NLRP12: variants seen among roughly 807,000 people sequenced by gnomAD.
NLRP12 encodes NACHT, LRR and PYD domains-containing protein 12.
In NLRP12, 108 loss-of-function variants were observed where a neutral mutation model predicts 91.2. The observed-to-expected ratio is 1.18, with a 90% CI of 1.01 to 1.39. NLRP12 has a LOEUF of 1.39. NLRP12 is among the 40% of genes most tolerant of loss of function. NLRP12 has a pLI of 0.00. For synonymous variants in NLRP12, 613 were observed against 566.7 expected (o/e 1.08, Z -1.16); for missense variants, 1,530 against 1,352.7 (o/e 1.13, Z -2.06).
At position 53,793,872 on chromosome 19, in the gene NLRP12, A is replaced by T; in HGVS notation, c.*177T>A. 1.5e-6 allele frequency: 1 copy of T among 688,908 alleles called. No individual in the cohort carries two copies. Among genetic ancestry groups the T allele is most frequent in the Non-Finnish European group, 2.7e-6 (1 of 376,504 alleles). 42.7% of individuals were successfully genotyped at this position (688,908 alleles called of 1,614,324 possible). A position where few individuals can be genotyped will look rare whatever the true frequency, so the allele number is the denominator to read the frequency against. On this transcript the variant is annotated 3_prime_UTR_variant, in exon 10 of 10. Coordinates refer to ENST00000324134, the MANE Select transcript of NLRP12 (RefSeq NM_144687.4). ...AGTGCTAGGATTACATACATGAGCCACCACGCCTGGCCAGCTCTGTCAAAC... is the reference window on the plus strand; with the variant it reads ...AGTGCTAGGATTACATACATGAGCCTCCACGCCTGGCCAGCTCTGTCAAAC...
intron 7 of NLRP12, among the ~76,000 whole-genome samples, chr19:53,800,879 C>T (rs1000799004): frequency 2.6e-5 from 4 of 151,934 alleles, no homozygotes; most frequent in African/African-American, 4.8e-5. Flanking sequence ...CCACCATGCC[C>T]GGCCAGAAAA....
Position 53,809,581 on chromosome 19 carries a change from A to G in NLRP12, c.2072+6T>C. On this transcript the variant is annotated splice_donor_region_variant and intron_variant, in intron 3 of 9. Coordinates refer to ENST00000324134, the MANE Select transcript of NLRP12 (RefSeq NM_144687.4). ...CAGCCCCAGGGGATACCCCAGGGAT[A>G]CTTACAGCTGCACCAACAGCGTGTG... 1 of 1,603,674 alleles carries G rather than the reference A, an allele frequency of 6.2e-7. No homozygotes were observed. The highest frequency in any genetic ancestry group is 8.5e-7 in the Non-Finnish European group (1 of 1,175,130).
chr19:53,795,107 C>CTGTGTGTGT (rs1555792119), intron 9 of NLRP12, among the ~76,000 whole-genome samples: 1,141 of 85,496 alleles, frequency 0.013, 14 homozygotes, highest in African/African-American at 0.04. Context: ...CTGGTGTGTG[C>CTGTGTGTGT]GTGTGTGTGT....
At chr19:53,823,370 AT>A (rs2092289144) in intron 1 of NLRP12, among the ~76,000 whole-genome samples, 6 of 135,596 alleles carry the variant, frequency 4.4e-5, no homozygotes, top group African/African-American at 1.6e-4. Flanking sequence ...TATATATTTA[AT>A]AATATAATTA....
chr19:53,796,889 GAGGC>G (rs1325147503), intron 8 of NLRP12, among the ~76,000 whole-genome samples: 1 of 32,758 alleles, frequency 3.1e-5, no homozygotes, highest in Non-Finnish European at 6.5e-5. Context: ...AGCTACTCGG[GAGGC>G]TGAGGCAGGA....
At chr19:53,797,047 T>A (rs2122517956) in intron 8 of NLRP12, among the ~76,000 whole-genome samples, 1 of 151,992 alleles carries the variant, frequency 6.6e-6, no homozygotes, top group East Asian at 1.9e-4. Context: ...GTCCTTCAGA[T>A]TAGGGCTACA....
chr19:53,809,303 C>T (rs1212287761), intron 3 of NLRP12, among the ~76,000 whole-genome samples: 2 of 150,828 alleles, frequency 1.3e-5, no homozygotes, highest in Non-Finnish European at 2.9e-5. Flanking sequence ...GAGGCCAAGG[C>T]GGGCAGATCA....
chr19:53,814,907 C>G lies in NLRP12; in HGVS notation c.370+1G>C. 1 of 1,613,528 alleles carries G rather than the reference C, an allele frequency of 6.2e-7. No homozygotes were observed. On this transcript the variant is annotated splice_donor_variant, in intron 2 of 9. Transcript: ENST00000324134. LOFTEE classifies it high-confidence loss of function. ...ATGTAGGTACATGGCTTGAGGCTCA[C>G]CTTTTCTTGGAGTGACAAGAGAGAC...
At chr19:53,796,710 G>T (rs906075478) in intron 8 of NLRP12, among the ~76,000 whole-genome samples, 3 of 151,674 alleles carry the variant, frequency 2.0e-5, no homozygotes, top group Non-Finnish European at 4.4e-5. Flanking sequence ...AAATTATCTG[G>T]GTTAGGCCGG....
rs764551921 is a variant in NLRP12, at chr19:53,823,895, G to A, written c.280C>T (p.Leu94=). The change falls in exon 1 of 10, where the codon CTG becomes TTG. Residue 94 remains leucine, a synonymous_variant. Coordinates refer to ENST00000324134, the MANE Select transcript of NLRP12 (RefSeq NM_144687.4). ...DLWERGQRED[L]VRDTPPGGPS... ...CCCGCCACCTCCTTACCCCTCACCA[G>A]GTCCTCTCTCTGTCCTCTCTCCCAC... The A allele has an allele frequency of 4.5e-5, 73 of 1,613,754 alleles. No individual in the cohort carries two copies. The East Asian group carries it at 1.5e-3, about 34-fold the overall frequency.
At chr19:53,799,145 T>C (rs935779307) in intron 7 of NLRP12, among the ~76,000 whole-genome samples, 1 of 151,422 alleles carries the variant, frequency 6.6e-6, no homozygotes, top group African/African-American at 2.4e-5. Flanking sequence ...CCTGAGTAGC[T>C]GTGACTACAG....
At position 53,809,908 on chromosome 19, in the gene NLRP12, G is replaced by A. The variant is rs775095635; in HGVS notation, c.1751C>T (p.Ser584Leu). ...HLEKSLCWKV[S>L]PHIKMDLLQW... ...CAACAGGTCCATCTTGATGTGCGGC[G>A]AGACCTTCCAGCAGAGACTCTTCTC... is the stretch of plus-strand genomic sequence containing the variant. Residue 584 changes from serine to leucine, a missense_variant, in exon 3 of 10, where the codon TCG (serine) becomes TTG (leucine). Physicochemically the swap from Ser to Leu is moderately radical, Grantham distance 145. Transcript: ENST00000324134. 1.2e-5 allele frequency: 20 copies of A among 1,613,916 alleles called. No individual in the cohort carries two copies. The highest frequency in any genetic ancestry group is 2.2e-5 in the East Asian group (1 of 44,872).
chr19:53,812,071 T>C (rs2092085306), intron 2 of NLRP12, among the ~76,000 whole-genome samples: 1 of 151,370 alleles, frequency 6.6e-6, no homozygotes, highest in Non-Finnish European at 1.5e-5. Context: ...ACCCTGTCTC[T>C]ATAAAAACAA....
At chr19:53,799,904 C>G (rs1322553555) in intron 7 of NLRP12, among the ~76,000 whole-genome samples, 1 of 152,110 alleles carries the variant, frequency 6.6e-6, no homozygotes, top group Non-Finnish European at 1.5e-5. Flanking sequence ...TGGGTCACAC[C>G]TGTAATCCCA....
rs66662929 is a variant in NLRP12, at chr19:53,819,692, T to TAC, written c.289+4192_289+4193dup. Among the ~76,000 whole-genome samples, 333 of 43,624 alleles carry TAC rather than the reference T, an allele frequency of 7.6e-3. 94 individuals are homozygous for TAC. Among genetic ancestry groups the TAC allele is most frequent in the African/African-American group, 0.021 (297 of 14,156 alleles). The allele number at this position is 43,624 out of a possible 152,430, so 28.6% of individuals were successfully genotyped here. On this transcript the variant is annotated intron_variant, in intron 1 of 9. Transcript: ENST00000324134. ...ACATATATGTATGTATACATATATA[T>TAC]ACACACACACACACGTATATATATA...
chr19:53,811,615 C>G (rs2092078904), intron 2 of NLRP12, among the ~76,000 whole-genome samples: 1 of 150,812 alleles, frequency 6.6e-6, no homozygotes, highest in Non-Finnish European at 1.5e-5. Flanking sequence ...GCTCTGTTGC[C>G]CAGCTTGGAG....
upstream of NLRP12, chr19:53,824,358 C>T (rs1396314109): frequency 7.9e-6 from 5 of 635,490 alleles, no homozygotes; most frequent in Non-Finnish European, 1.4e-5. Context: ...TGCTTTCTCA[C>T]TCTTCAGTTC....
At chr19:53,815,757 T>G (rs895274831) in intron 1 of NLRP12, among the ~76,000 whole-genome samples, 1 of 151,736 alleles carries the variant, frequency 6.6e-6, no homozygotes, top group African/African-American at 2.4e-5. Context: ...TACAGGCATG[T>G]GTCACCACGC....
rs1491169717 is a variant in NLRP12, at chr19:53,819,560, CGT to C, written c.289+4324_289+4325del. The stretch of plus-strand genomic sequence containing the variant: ...GTATACGTATATATATGTATGTATA[CGT>C]ATATATATGCGTATATATGTATGTA... On this transcript the variant is annotated intron_variant, in intron 1 of 9. Transcript: ENST00000324134. 3.1e-4 allele frequency among the ~76,000 whole-genome samples: 19 copies of C among 61,980 alleles called. 3 individuals carry two copies. The highest frequency in any genetic ancestry group is 1.1e-3 in the African/African-American group (18 of 16,278). 40.7% of individuals were successfully genotyped at this position (61,980 alleles called of 152,430 possible). A position where few individuals can be genotyped will look rare whatever the true frequency, so the allele number is the denominator to read the frequency against.
Sources: allele counts gnomAD v4.1 joint callset (sites outside exome capture counted in the v4.1 genomes callset), GRCh38; gene constraint gnomAD v4.1.1; transcripts MANE v1.5; gene names NCBI Gene and HGNC (gene_info 2026-07-23, HGNC 2026-07-21).